The following LEPR variants were observed in gnomAD, a reference collection of about 807,000 sequenced individuals.
The protein encoded by LEPR is OB receptor.
LEPR carries 56 observed loss-of-function variants against 114.7 expected under a neutral mutation model. The observed-to-expected ratio is 0.49, with a 90% CI of 0.39 to 0.61. The LOEUF is 0.61. Among genes scored for constraint, LEPR ranks in the 20% least tolerant of loss-of-function variants. The pLI is 0.00. For missense variants in LEPR, 1,202 were observed against 1,352.9 expected (o/e 0.89, Z 1.75); for synonymous variants, 443 against 461.4 (o/e 0.96, Z 0.51).
chr1:65,628,512 A>G (rs1286930247), intron 19 of LEPR, among the ~76,000 whole-genome samples: 1 of 152,158 alleles, frequency 6.6e-6, no homozygotes, highest in Non-Finnish European at 1.5e-5. Context: ...TCCATGACCA[A>G]TGAAGAGTAA....
At chr1:65,506,211 T>C (rs1050122770) in intron 2 of LEPR, among the ~76,000 whole-genome samples, 4 of 152,206 alleles carry the variant, frequency 2.6e-5, no homozygotes, top group African/African-American at 9.7e-5. Flanking sequence ...CCAATGGCTG[T>C]CACAGTAGAC....
chr1:65,432,224 G>A (rs9282773), intron 2 of LEPR: 849 of 1,024,096 alleles, frequency 8.3e-4, no homozygotes, highest in Non-Finnish European at 9.6e-4. Flanking sequence ...GCAGTGCATC[G>A]AAACCTTTTG....
intron 2 of LEPR, among the ~76,000 whole-genome samples, chr1:65,538,582 TTGAC>T (rs1403405788): frequency 1.3e-5 from 2 of 152,322 alleles, no homozygotes; most frequent in Non-Finnish European, 1.5e-5. Flanking sequence ...GGATACTTCT[TTGAC>T]TGGATGTAAA....
chr1:65,531,131 C>T (rs1413957414), intron 2 of LEPR, among the ~76,000 whole-genome samples: 1 of 152,152 alleles, frequency 6.6e-6, no homozygotes, highest in African/African-American at 2.4e-5. Context: ...GCCACTTTAC[C>T]TGTCTGGTCT....
At chr1:65,597,669 A>G (rs764035940) in intron 7 of LEPR, among the ~76,000 whole-genome samples, 39 of 152,158 alleles carry the variant, frequency 2.6e-4, no homozygotes, top group Non-Finnish European at 4.6e-4. Context: ...GTGGAGCTCA[A>G]TGAAAGGCCT....
At chr1:65,592,388 G>T (rs189208006) in intron 5 of LEPR, among the ~76,000 whole-genome samples, 3 of 150,362 alleles carry the variant, frequency 2.0e-5, no homozygotes, top group Non-Finnish European at 3.0e-5. Flanking sequence ...AGCTGTTTTC[G>T]CTGGGTATAG....
At chr1:65,440,054 A>C (rs1017612397) in intron 2 of LEPR, among the ~76,000 whole-genome samples, 3 of 150,282 alleles carry the variant, frequency 2.0e-5, no homozygotes, top group Admixed American at 2.0e-4. Context: ...AGTGAATGCT[A>C]TGAAGAAATA....
intron 2 of LEPR, among the ~76,000 whole-genome samples, chr1:65,469,033 C>A (rs1319374224): frequency 6.6e-6 from 1 of 152,144 alleles, no homozygotes; most frequent in Non-Finnish European, 1.5e-5. Context: ...GTGGAAAATT[C>A]TGCTTTTTAA....
chr1:65,616,358 C>T, intron 15 of LEPR, 134 bp downstream of exon 15: 6 of 955,262 alleles, frequency 6.3e-6, no homozygotes, highest in Non-Finnish European at 9.4e-6. Flanking sequence ...CCTTTCATTT[C>T]CTTTGTCTGG....
Position 65,616,185 on chromosome 1 carries a change from G to T in LEPR, c.2173G>T (p.Ala725Ser), listed in dbSNP as rs1657513734. The change falls in exon 15 of 20, where the codon GCA (alanine) becomes TCA (serine). Residue 725 changes from alanine to serine, a missense_variant. Ala to Ser is a moderately conservative substitution (Grantham distance 99). Transcript: ENST00000349533. ...CATCAATTCAATTGGTGCTTCTGTT[G>T]CAAATTTTAATTTAACCTTTTCATG... ...LAINSIGASV[A>S]NFNLTFSWPM... 6.2e-7 allele frequency: 1 copy of T among 1,614,042 alleles called. No homozygotes were observed. The highest frequency in any genetic ancestry group is 8.5e-7 in the Non-Finnish European group (1 of 1,179,942).
chr1:65,591,547 A>G (rs1163978063), intron 5 of LEPR, among the ~76,000 whole-genome samples: 2 of 152,106 alleles, frequency 1.3e-5, no homozygotes, highest in Non-Finnish European at 2.9e-5. Flanking sequence ...TTCTCTTGGT[A>G]AATTGATCCC....
intron 2 of LEPR, among the ~76,000 whole-genome samples, chr1:65,551,336 G>T (rs532807392): frequency 2.0e-5 from 3 of 152,068 alleles, no homozygotes; most frequent in East Asian, 1.9e-4. Flanking sequence ...CTGTGAATCT[G>T]TCTGGTCCTG....
intron 2 of LEPR, among the ~76,000 whole-genome samples, chr1:65,473,732 A>C (rs1440818943): frequency 6.6e-6 from 1 of 152,216 alleles, no homozygotes; most frequent in Non-Finnish European, 1.5e-5. Flanking sequence ...GACATAGTAC[A>C]TATAAAGCAC....
At chr1:65,581,800 C>T (rs1655007758) in intron 5 of LEPR, among the ~76,000 whole-genome samples, 1 of 152,192 alleles carries the variant, frequency 6.6e-6, no homozygotes, top group South Asian at 2.1e-4. Context: ...GCAACACTTG[C>T]TGGAAATCTC....
chr1:65,635,051 C>G (rs1658668997), intron 19 of LEPR: 1 of 865,566 alleles, frequency 1.2e-6, no homozygotes, highest in Non-Finnish European at 1.4e-6. Flanking sequence ...CTTTTAATCA[C>G]TAACATATTT....
chr1:65,431,717 T>A, intron 2 of LEPR: 1 of 1,363,656 alleles, frequency 7.3e-7, no homozygotes, highest in African/African-American at 1.5e-5. Context: ...TTTCATTGGA[T>A]GTTTCTAATG....
chr1:65,480,320 C>T (rs773291181), intron 2 of LEPR, among the ~76,000 whole-genome samples: 11 of 151,964 alleles, frequency 7.2e-5, no homozygotes, highest in Admixed American at 4.6e-4. Flanking sequence ...GTCTGGGATC[C>T]AGAAAAATAT....
chr1:65,594,713 G>A (rs1408265568), intron 6 of LEPR, among the ~76,000 whole-genome samples: 1 of 151,952 alleles, frequency 6.6e-6, no homozygotes, highest in Non-Finnish European at 1.5e-5. Context: ...TTTGGGAGTT[G>A]TTAGCGTATC....
intron 5 of LEPR, among the ~76,000 whole-genome samples, chr1:65,573,920 T>C (rs1654390435): frequency 6.6e-6 from 1 of 152,206 alleles, no homozygotes; most frequent in Non-Finnish European, 1.5e-5. Flanking sequence ...TTTATATACA[T>C]TTTATTACAG....
Sources: gnomAD v4.1 joint callset for allele counts (sites outside exome capture counted in the v4.1 genomes callset) on GRCh38, gnomAD v4.1.1 for gene constraint, MANE v1.5 for transcripts, NCBI Gene and HGNC (gene_info 2026-07-23, HGNC 2026-07-21) for gene names.